Variants in RALYL observed in about 807,000 individuals in gnomAD.
The protein encoded by RALYL is RNA-binding Raly-like protein.
A neutral mutation model predicts 35.1 loss-of-function variants in RALYL; 29 were observed. That is an observed-to-expected ratio of 0.83 (90% CI 0.61 to 1.13). The LOEUF is 1.13. Ranked by LOEUF, RALYL falls within the 50% of genes most tolerant of loss-of-function variation. The pLI, the probability that RALYL is intolerant of heterozygous loss-of-function variation, is 0.00. For synonymous variants in RALYL, 120 were observed against 127.6 expected (o/e 0.94, Z 0.40); for missense variants, 359 against 360.4 (o/e 1.00, Z 0.03).
At chr8:84,185,787 A>G (rs1812369919) in intron 1 of RALYL, among the ~76,000 whole-genome samples, 1 of 152,210 alleles carries the variant, frequency 6.6e-6, no homozygotes, top group Non-Finnish European at 1.5e-5. Context: ...ACAGAAATAA[A>G]AACTGACTGC....
intron 1 of RALYL, among the ~76,000 whole-genome samples, chr8:84,211,140 A>G (rs565179866): frequency 2.0e-5 from 3 of 152,238 alleles, no homozygotes; most frequent in African/African-American, 7.2e-5. Flanking sequence ...CTGAAAAATT[A>G]GGTCACTTGC....
chr8:84,434,256 C>T (rs1462616340), intron 1 of RALYL, among the ~76,000 whole-genome samples: 1 of 151,982 alleles, frequency 6.6e-6, no homozygotes, highest in African/African-American at 2.4e-5. Context: ...CCCTAATGAC[C>T]TCATTTTAAC....
At position 84,225,794 on chromosome 8, in the gene RALYL, T is replaced by C. The variant is rs1586336319; in HGVS notation, c.-24+41370T>C. 2.0e-5 allele frequency among the ~76,000 whole-genome samples: 3 copies of C among 152,224 alleles called. No individual in the cohort carries two copies. In the East Asian group the frequency reaches 5.8e-4, roughly 29 times the overall value. On this transcript the variant is annotated intron_variant, in intron 1 of 8. Transcript: ENST00000521268. ...TCTCGAATGTGTGTGCTTGTTTATA[T>C]GACTGCTCATCTAGAATGAGTACTG...
At chr8:84,794,870 T>C (rs1821557501) in intron 3 of RALYL, among the ~76,000 whole-genome samples, 1 of 152,200 alleles carries the variant, frequency 6.6e-6, no homozygotes, top group Admixed American at 6.5e-5. Flanking sequence ...AACATTACAG[T>C]CCATCCGAGG....
chr8:84,712,213 T>C (rs941073199), intron 2 of RALYL, among the ~76,000 whole-genome samples: 1 of 152,156 alleles, frequency 6.6e-6, no homozygotes, highest in Non-Finnish European at 1.5e-5. Context: ...ATTTTATAGA[T>C]TCCTCCATGG....
At chr8:84,745,575 GC>G (rs1364056000) in intron 2 of RALYL, among the ~76,000 whole-genome samples, 2 of 151,936 alleles carry the variant, frequency 1.3e-5, no homozygotes, top group African/African-American at 4.8e-5. Context: ...ATCTCTAATG[GC>G]CCATAGTATA....
At chr8:84,621,742 C>T (rs932726972) in intron 2 of RALYL, among the ~76,000 whole-genome samples, 1 of 152,050 alleles carries the variant, frequency 6.6e-6, no homozygotes, top group African/African-American at 2.4e-5. Flanking sequence ...TAGCTGTAGC[C>T]TTGTAGGATT....
At chr8:84,776,367 A>G (rs188647376) in intron 3 of RALYL, among the ~76,000 whole-genome samples, 123 of 152,184 alleles carry the variant, frequency 8.1e-4, no homozygotes, top group Admixed American at 1.6e-3. Flanking sequence ...AATTTCTCTT[A>G]TTTTGGTTGT....
intron 8 of RALYL, among the ~76,000 whole-genome samples, chr8:84,907,729 T>C (rs1183440598): frequency 1.3e-5 from 2 of 152,114 alleles, no homozygotes; most frequent in African/African-American, 4.8e-5. Flanking sequence ...TACTTACTTA[T>C]TAAATTACCT....
rs998338552 is a variant in RALYL at position 84,585,417 on chromosome 8, G to A, written c.256+55840G>A. On this transcript the variant is annotated intron_variant, in intron 2 of 8. Coordinates refer to ENST00000521268, the MANE Select transcript of RALYL (RefSeq NM_173848.7). ...TATTAATATTTATTACTGATTCATA[G>A]TAATGACAATAGTATACATGAATTA... Among the ~76,000 whole-genome samples, 10 of 152,120 alleles carry A rather than the reference G, an allele frequency of 6.6e-5. No individual in the cohort carries two copies. The East Asian group carries it at 1.9e-3, about 29-fold the overall frequency.
chr8:84,637,697 G>C (rs560274825), intron 2 of RALYL, among the ~76,000 whole-genome samples: 2 of 151,922 alleles, frequency 1.3e-5, no homozygotes, highest in South Asian at 4.2e-4. Flanking sequence ...ATTTCTAGCT[G>C]TGGTCCTCCG....
chr8:84,415,755 T>A (rs1243740539), intron 1 of RALYL, among the ~76,000 whole-genome samples: 1 of 151,604 alleles, frequency 6.6e-6, no homozygotes, highest in Non-Finnish European at 1.5e-5. Context: ...CAATAGTACT[T>A]AATTAATATG....
chr8:84,445,434 C>T (rs140213017), intron 1 of RALYL, among the ~76,000 whole-genome samples: 299 of 151,826 alleles, frequency 2.0e-3, no homozygotes, highest in African/African-American at 6.7e-3. Context: ...GAAGACAACT[C>T]GTCTCTTTTT....
intron 2 of RALYL, among the ~76,000 whole-genome samples, chr8:84,565,603 G>A (rs1225588012): frequency 1.3e-5 from 2 of 151,318 alleles, no homozygotes; most frequent in African/African-American, 2.4e-5. Context: ...TTAAACAATA[G>A]GATTATTAGT....
At chr8:84,879,806 C>G (rs1161079246) in intron 7 of RALYL, among the ~76,000 whole-genome samples, 1 of 151,908 alleles carries the variant, frequency 6.6e-6, no homozygotes, top group Non-Finnish European at 1.5e-5. Context: ...CTAGATCAAA[C>G]CTTTCAACTG....
chr8:84,383,286 A>G (rs1858405732), intron 1 of RALYL, among the ~76,000 whole-genome samples: 1 of 151,894 alleles, frequency 6.6e-6, no homozygotes, highest in South Asian at 2.1e-4. Context: ...TACAAATCAA[A>G]TAGGTATTCA....
intron 3 of RALYL, among the ~76,000 whole-genome samples, chr8:84,802,920 C>T (rs186293884): frequency 9.8e-4 from 148 of 151,748 alleles, no homozygotes; most frequent in African/African-American, 3.4e-3. Context: ...CATGAGAGTC[C>T]CAAAGGAAAA....
intron 2 of RALYL, among the ~76,000 whole-genome samples, chr8:84,668,190 G>A (rs1832458057): frequency 6.6e-6 from 1 of 152,040 alleles, no homozygotes; most frequent in Non-Finnish European, 1.5e-5. Context: ...TTACTGAATA[G>A]TCACTATGCT....
intron 1 of RALYL, among the ~76,000 whole-genome samples, chr8:84,261,647 T>G (rs1832331829): frequency 6.6e-6 from 1 of 152,186 alleles, no homozygotes. Context: ...CAGTTTTTTT[T>G]CTATAGAACA....
Sources: gnomAD v4.1 joint callset for allele counts (sites outside exome capture counted in the v4.1 genomes callset) on GRCh38, gnomAD v4.1.1 for gene constraint, MANE v1.5 for transcripts, NCBI Gene and HGNC (gene_info 2026-07-23, HGNC 2026-07-21) for gene names.